Variants in RNF121 observed in about 807,000 individuals in gnomAD.
The protein encoded by RNF121 is E3 ubiquitin ligase RNF121.
In RNF121, 21 loss-of-function variants were observed where a neutral mutation model predicts 46.5. That is an observed-to-expected ratio of 0.45 (90% CI 0.32 to 0.65). RNF121 has a LOEUF of 0.65. Among genes scored for constraint, RNF121 ranks in the 30% least tolerant of loss-of-function variants. The pLI, the probability that RNF121 is intolerant of heterozygous loss-of-function variation, is 0.04. For synonymous variants in RNF121, 139 were observed against 144.7 expected (o/e 0.96, Z 0.28); for missense variants, 346 against 416.0 (o/e 0.83, Z 1.46).
At chr11:71,940,181 C>T (rs1424715379) in intron 1 of RNF121, among the ~76,000 whole-genome samples, 1 of 152,174 alleles carries the variant, frequency 6.6e-6, no homozygotes, top group African/African-American at 2.4e-5. Flanking sequence ...TAACTGCATG[C>T]TTTGTGCAAG....
rs1954971061 is a variant in RNF121, at chr11:71,996,133, C to T, written c.864-62C>T. 14 of 1,599,284 alleles carry T rather than the reference C, an allele frequency of 8.8e-6. No individual in the cohort carries two copies. The South Asian group carries it at 1.4e-4, about 17-fold the overall frequency. On this transcript the variant is annotated intron_variant, in intron 8 of 8. Transcript: ENST00000361756. Reference sequence around the variant, plus strand: ...GGGGCAGACCCAGGGAGCCCCACCACCCATGCTAGATCACTCCTGGCAGCT... The same window carrying T: ...GGGGCAGACCCAGGGAGCCCCACCATCCATGCTAGATCACTCCTGGCAGCT...
Position 71,957,237 on chromosome 11 carries a change from C to G in RNF121, c.74C>G (p.Ser25Ter). The stretch of plus-strand genomic sequence containing the variant: ...GGTGTCTTTCTACAGGTTGATATGT[C>G]AGATCTCTCTCCAGAAGAGCAATGG... The part of the protein sequence containing the change: ...GERELDEVDM[S>*]DLSPEEQWRV... Residue 25 changes from serine to a stop codon, truncating the protein, a stop_gained, in exon 2 of 9, where the codon TCA (serine) becomes TGA (stop). Coordinates refer to ENST00000361756, the MANE Select transcript of RNF121 (RefSeq NM_018320.5). LOFTEE classifies it high-confidence loss of function. 1 of 1,603,906 alleles carries G rather than the reference C, an allele frequency of 6.2e-7. No individual in the cohort carries two copies. Among genetic ancestry groups the G allele is most frequent in the Non-Finnish European group, 8.5e-7 (1 of 1,170,660 alleles).
intron 3 of RNF121, 39 bp downstream of exon 3, chr11:71,960,930 A>C (rs368421573): frequency 2.5e-6 from 4 of 1,604,296 alleles, no homozygotes; most frequent in Non-Finnish European, 3.4e-6. Flanking sequence ...TCTGTCAGTC[A>C]TCAAGAGACC....
intron 1 of RNF121, among the ~76,000 whole-genome samples, chr11:71,938,314 ATTT>A (rs71958930): frequency 3.2e-5 from 3 of 94,928 alleles, no homozygotes; most frequent in East Asian, 3.2e-4. Flanking sequence ...TAGTCTCTTA[ATTT>A]TTTTTTTTTT....
intron 1 of RNF121, among the ~76,000 whole-genome samples, chr11:71,945,439 CTGTT>C (rs1953691959): frequency 6.6e-6 from 1 of 152,222 alleles, no homozygotes; most frequent in African/African-American, 2.4e-5. Flanking sequence ...ATCATCCCCA[CTGTT>C]TGTTCAAGAG....
chr11:71,946,487 C>T (rs1953721643), intron 1 of RNF121, among the ~76,000 whole-genome samples: 1 of 152,140 alleles, frequency 6.6e-6, no homozygotes, highest in African/African-American at 2.4e-5. Context: ...TCACCCTCCA[C>T]AGAGTAGCTG....
chr11:71,975,721 G>A (rs1185730494), intron 3 of RNF121, among the ~76,000 whole-genome samples: 4 of 152,180 alleles, frequency 2.6e-5, no homozygotes, highest in East Asian at 1.9e-4. Flanking sequence ...TGACTGACTC[G>A]TTTGCTTGAA....
At chr11:71,991,775 A>G (rs888443158) in intron 6 of RNF121, among the ~76,000 whole-genome samples, 2 of 152,142 alleles carry the variant, frequency 1.3e-5, no homozygotes, top group Non-Finnish European at 2.9e-5. Context: ...AGTAGTGACT[A>G]GACTAGAAAA....
At chr11:71,939,994 T>A (rs1953527905) in intron 1 of RNF121, among the ~76,000 whole-genome samples, 2 of 152,174 alleles carry the variant, frequency 1.3e-5, no homozygotes, top group African/African-American at 4.8e-5. Context: ...TTAAGTCTAT[T>A]TGGGAGCATT....
chr11:71,935,660 C>A (rs1590765008), intron 1 of RNF121, among the ~76,000 whole-genome samples: 2 of 152,134 alleles, frequency 1.3e-5, no homozygotes, highest in African/African-American at 4.8e-5. Flanking sequence ...TCCAGTCCCT[C>A]TGTACCTCAG....
At chr11:71,953,663 G>T (rs1048961225) in intron 1 of RNF121, among the ~76,000 whole-genome samples, 2 of 152,054 alleles carry the variant, frequency 1.3e-5, no homozygotes, top group African/African-American at 4.8e-5. Context: ...CAATAAATGG[G>T]GTCTGTCTAA....
chr11:71,933,498 A>G (rs1196419788), intron 1 of RNF121, among the ~76,000 whole-genome samples: 4 of 152,204 alleles, frequency 2.6e-5, no homozygotes, highest in Non-Finnish European at 1.5e-5. Flanking sequence ...TTATTTAGTC[A>G]TGAAACCTTT....
In RNF121 at chr11:71,976,326, C is replaced by G. The variant is rs185226408; in HGVS notation, c.244-6435C>G. On this transcript the variant is annotated intron_variant, in intron 3 of 8. Coordinates refer to ENST00000361756, the MANE Select transcript of RNF121 (RefSeq NM_018320.5). ...GCAGAGAACAGTAGACCTGCTGCCC[C>G]CTCCATTCTGGGTATATTCTTTTTT... Among the ~76,000 whole-genome samples the G allele has an allele frequency of 4.4e-3, 670 of 151,350 alleles. 3 individuals are homozygous for G. Among genetic ancestry groups the G allele is most frequent in the African/African-American group, 0.015 (635 of 41,144 alleles).
intron 1 of RNF121, among the ~76,000 whole-genome samples, chr11:71,949,910 A>C (rs983339120): frequency 6.6e-6 from 1 of 151,932 alleles, no homozygotes; most frequent in African/African-American, 2.4e-5. Flanking sequence ...GCTGAGGCAG[A>C]GAATTGCTTA....
intron 4 of RNF121, chr11:71,983,730 T>C (rs1295796617): frequency 6.6e-6 from 1 of 152,268 alleles, no homozygotes; most frequent in Non-Finnish European, 1.5e-5. Context: ...CTCTGTTTAA[T>C]GGAGGAGATG....
At chr11:71,948,310 G>C (rs1953774262) in intron 1 of RNF121, among the ~76,000 whole-genome samples, 1 of 152,072 alleles carries the variant, frequency 6.6e-6, no homozygotes, top group Non-Finnish European at 1.5e-5. Flanking sequence ...GAGGTCAGAA[G>C]TTCGAGACCA....
chr11:71,983,766 A>G (rs1186988460), intron 4 of RNF121: 2 of 152,246 alleles, frequency 1.3e-5, no homozygotes, highest in Non-Finnish European at 2.9e-5. Context: ...GTTGCAGTGC[A>G]GTTGGTAAGT....
At chr11:71,941,082 A>T (rs1953556389) in intron 1 of RNF121, among the ~76,000 whole-genome samples, 1 of 152,224 alleles carries the variant, frequency 6.6e-6, no homozygotes, top group Non-Finnish European at 1.5e-5. Flanking sequence ...AGAGCCACTG[A>T]AGAGTCTTGA....
At chr11:71,933,550 A>G (rs971200655) in intron 1 of RNF121, among the ~76,000 whole-genome samples, 3 of 152,196 alleles carry the variant, frequency 2.0e-5, no homozygotes, top group Non-Finnish European at 4.4e-5. Context: ...TGGTCCTTGA[A>G]TGGATTCAAC....
Sources: allele counts gnomAD v4.1 joint callset (sites outside exome capture counted in the v4.1 genomes callset), GRCh38; gene constraint gnomAD v4.1.1; transcripts MANE v1.5; gene names NCBI Gene and HGNC (gene_info 2026-07-23, HGNC 2026-07-21).